The following RERE variants were observed in gnomAD, a reference collection of about 807,000 sequenced individuals.
The protein encoded by RERE is arginine-glutamic acid dipeptide repeats.
A neutral mutation model predicts 146.1 loss-of-function variants in RERE; 40 were observed. The ratio of observed to expected loss-of-function variants is 0.27; its 90% CI spans 0.21 to 0.36. The LOEUF (loss-of-function observed/expected upper bound fraction) is 0.36. RERE is among the 10% of genes least tolerant of loss of function. The pLI is 1.00. For synonymous variants in RERE, 1,003 were observed against 866.0 expected, an observed-to-expected ratio of 1.16 and a Z score of -2.78; for missense variants, 1,933 against 2,138.7, an observed-to-expected ratio of 0.90 and a Z score of 1.90.
intron 1 of RERE, chr1:8,786,426 G>C: frequency 1.2e-6 from 1 of 863,284 alleles, no homozygotes; most frequent in Non-Finnish European, 2.0e-6. Flanking sequence ...CAATCAAAGC[G>C]TTATCTGTCA....
intron 1 of RERE, among the ~76,000 whole-genome samples, chr1:8,809,286 A>T (rs1165015689): frequency 6.6e-6 from 1 of 152,186 alleles, no homozygotes; most frequent in Non-Finnish European, 1.5e-5. Context: ...GATATACAAC[A>T]TATATTACAA....
intron 4 of RERE, among the ~76,000 whole-genome samples, chr1:8,584,240 G>T (rs1335067485): frequency 6.6e-6 from 1 of 151,972 alleles, no homozygotes; most frequent in Non-Finnish European, 1.5e-5. Flanking sequence ...ATATGAAAAG[G>T]ACTAAGGAGA....
At chr1:8,777,525 G>A (rs1357489219) in intron 1 of RERE, among the ~76,000 whole-genome samples, 1 of 150,810 alleles carries the variant, frequency 6.6e-6, no homozygotes, top group East Asian at 1.9e-4. Flanking sequence ...TGAAAACAAA[G>A]TGTCATACTT....
chr1:8,397,421 T>C (rs919561449), intron 12 of RERE, among the ~76,000 whole-genome samples: 2 of 146,120 alleles, frequency 1.4e-5, no homozygotes, highest in Non-Finnish European at 2.9e-5. Flanking sequence ...TTTTACAGCA[T>C]CTAAGAGACT....
At chr1:8,559,668 GGA>G (rs1457672106) in intron 4 of RERE, among the ~76,000 whole-genome samples, 1 of 152,044 alleles carries the variant, frequency 6.6e-6, no homozygotes, top group African/African-American at 2.4e-5. Flanking sequence ...AGAAAAAATG[GGA>G]GAGATTTCAA....
At chr1:8,362,647 G>A (rs770777253) in intron 16 of RERE, 36 bp downstream of exon 16, 23 of 1,613,624 alleles carry the variant, frequency 1.4e-5, no homozygotes, top group East Asian at 6.7e-5. Flanking sequence ...GTGAGGGAGG[G>A]ACAGAGTAGG....
rs573173969 is a variant in RERE at position 8,433,139 on chromosome 1, C to T, written c.1204-10332G>A. ...TCAGTAACTAAATAACTACATCCCC[C>T]GTACTGGTAACTAGCCCTATCTCAG... On this transcript the variant is annotated intron_variant, in intron 11 of 22. Coordinates refer to ENST00000400908, the MANE Select transcript of RERE (RefSeq NM_001042681.2). Among the ~76,000 whole-genome samples the T allele has an allele frequency of 5.3e-5, 8 of 152,308 alleles. No homozygotes were observed. The East Asian group carries it at 1.2e-3, about 22-fold the overall frequency.
At chr1:8,523,611 C>T (rs775796760) in intron 7 of RERE, among the ~76,000 whole-genome samples, 119 of 152,036 alleles carry the variant, frequency 7.8e-4, no homozygotes, top group Non-Finnish European at 1.3e-3. Flanking sequence ...CTTTAGCATT[C>T]CAAAAAATAT....
chr1:8,362,795 C>A lies in RERE; in HGVS notation c.1790G>T (p.Gly597Val), dbSNP rs1213185591. The A allele has an allele frequency of 6.2e-7, 1 of 1,614,156 alleles. No individual in the cohort carries two copies. The highest frequency in any genetic ancestry group is 1.1e-5 in the South Asian group (1 of 91,088). ...GRKKQPASPD[G>V]RTSPINEDIR... is the part of the protein sequence containing the mutation. ...GTCTTCATTGATGGGTGAGGTGCGA[C>A]CATCAGGGCTGGCTGGCTGCTTCTT... Residue 597 changes from glycine (G) to valine (V), a missense_variant, in exon 16 of 23, where the codon GGT (glycine) becomes GTT (valine). Physicochemically the swap from Gly to Val is moderately radical, Grantham distance 109 (BLOSUM62 -3). Transcript: ENST00000400908.
chr1:8,637,173 T>C (rs910550299), intron 2 of RERE, among the ~76,000 whole-genome samples: 1 of 152,112 alleles, frequency 6.6e-6, no homozygotes, highest in African/African-American at 2.4e-5. Context: ...TATTACCTTC[T>C]CCTAGGATTA....
In RERE at chr1:8,648,512, G is replaced by A. The variant is rs115236583; in HGVS notation, c.325+7461C>T. 2.6e-3 allele frequency among the ~76,000 whole-genome samples: 400 copies of A among 152,272 alleles called. 2 individuals are homozygous for A. The highest frequency in any genetic ancestry group is 9.1e-3 in the African/African-American group (380 of 41,532). On this transcript the variant is annotated intron_variant, in intron 2 of 22. Transcript: ENST00000400908. ...CTCCCAAAGTTCTGGAATTACAGAC[G>A]TGAGCCACTGCACCTGACCTATAGT...
At chr1:8,476,022 G>T (rs1201633380) in intron 10 of RERE, among the ~76,000 whole-genome samples, 1 of 152,184 alleles carries the variant, frequency 6.6e-6, no homozygotes, top group Non-Finnish European at 1.5e-5. Context: ...AGGAAATATA[G>T]TTATTGAACC....
intron 4 of RERE, among the ~76,000 whole-genome samples, chr1:8,607,543 T>A (rs1570504276): frequency 1.1e-5 from 1 of 88,898 alleles, no homozygotes; most frequent in South Asian, 3.7e-4. Flanking sequence ...TCTTTTTTTT[T>A]TTTTTTTTTT....
At chr1:8,762,164 T>C (rs1435160812) in intron 1 of RERE, among the ~76,000 whole-genome samples, 1 of 152,178 alleles carries the variant, frequency 6.6e-6, no homozygotes, top group African/African-American at 2.4e-5. Flanking sequence ...GGAGAGGTCA[T>C]TGCTTCCTCC....
intron 4 of RERE, among the ~76,000 whole-genome samples, chr1:8,563,012 C>A (rs1035385510): frequency 3.3e-5 from 5 of 152,042 alleles, no homozygotes; most frequent in Non-Finnish European, 7.4e-5. Flanking sequence ...AACTAGATAA[C>A]TGACAAGCGG....
intron 2 of RERE, among the ~76,000 whole-genome samples, chr1:8,654,028 CTTTT>C (rs879596794): frequency 7.1e-6 from 1 of 140,876 alleles, no homozygotes; most frequent in African/African-American, 2.6e-5. Flanking sequence ...CTAGCACTGA[CTTTT>C]TTTTTTTTTG....
Position 8,541,317 on chromosome 1 carries a change from C to A in RERE, c.727G>T (p.Gly243Trp). 1 of 1,597,314 alleles carries A rather than the reference C, an allele frequency of 6.3e-7. No individual in the cohort carries two copies. The highest frequency in any genetic ancestry group is 8.6e-7 in the Non-Finnish European group (1 of 1,167,484). Reference protein sequence around the residue: ...VDTYHAAALRGKCNISHFSDI... With the variant: ...VDTYHAAALRWKCNISHFSDI... Reference sequence around the variant, plus strand: ...GAAAAATGGGAGATGTTACACTTCCCTCTGGGAAAAAGAGAAAAAAATAAT... The same window carrying A: ...GAAAAATGGGAGATGTTACACTTCCATCTGGGAAAAAGAGAAAAAAATAAT... The change falls in exon 7 of 23, where the codon GGG (glycine) becomes TGG (tryptophan). Residue 243 changes from glycine to tryptophan, a missense_variant and splice_region_variant. Physicochemically the swap from Gly to Trp is radical, Grantham distance 184. This residue lies in a region of RERE where 37 missense variants were observed against 46.6 expected (regional missense o/e 0.79). Coordinates refer to ENST00000400908, the MANE Select transcript of RERE (RefSeq NM_001042681.2).
At chr1:8,593,505 CCTT>C (rs1427694992) in intron 4 of RERE, among the ~76,000 whole-genome samples, 3 of 145,154 alleles carry the variant, frequency 2.1e-5, no homozygotes, top group African/African-American at 4.9e-5. Context: ...TTATTTGCCT[CCTT>C]ATTTGCCATG....
At chr1:8,585,306 G>A (rs967041465) in intron 4 of RERE, among the ~76,000 whole-genome samples, 1 of 152,148 alleles carries the variant, frequency 6.6e-6, no homozygotes, top group East Asian at 1.9e-4. Flanking sequence ...ACAGCGTGTT[G>A]TATCAGTATA....
Sources: gnomAD v4.1 joint callset for allele counts (sites outside exome capture counted in the v4.1 genomes callset) on GRCh38, gnomAD v4.1.1 for gene constraint, gnomAD v4.1.1 regional missense constraint, MANE v1.5 for transcripts, NCBI Gene and HGNC (gene_info 2026-07-23, HGNC 2026-07-21) for gene names.